The following SPINK5 variants were observed in gnomAD, a reference collection of about 807,000 sequenced individuals.
SPINK5 encodes the protein serine peptidase inhibitor Kazal type 5, also known as serine protease inhibitor Kazal-type 5.
SPINK5 carries 125 observed loss-of-function variants against 151.8 expected under a neutral mutation model. That is an observed-to-expected ratio of 0.82 (90% CI 0.71 to 0.96). SPINK5 has a LOEUF of 0.96. Ranked by LOEUF, SPINK5 falls within the 40% of genes least tolerant of loss-of-function variation. SPINK5 has a pLI of 0.00. For synonymous variants in SPINK5, 374 were observed against 395.3 expected, an observed-to-expected ratio of 0.95 and a Z score of 0.64; for missense variants, 1,194 against 1,291.9, an observed-to-expected ratio of 0.92 and a Z score of 1.16.
rs759053532 is a variant in SPINK5 at position 148,095,863 on chromosome 5, G to T, written c.840G>T (p.Leu280Phe). Residue 280 changes from leucine to phenylalanine, a missense_variant, in exon 10 of 33, where the codon TTG becomes TTT. Leu to Phe is a conservative substitution (Grantham distance 22). Coordinates refer to ENST00000256084, the MANE Select transcript of SPINK5 (RefSeq NM_006846.4). ...SEENSKTDQN[L>F]GKAEEKTKVK... The stretch of plus-strand genomic sequence containing the variant: ...AAAACAGTAAAACAGATCAAAATTT[G>T]GGAAAAGCTGAAGAAAAAACTAAAG... 9 of 1,612,246 alleles carry T rather than the reference G, an allele frequency of 5.6e-6. No homozygotes were observed. The highest frequency in any genetic ancestry group is 5.9e-6 in the Non-Finnish European group (7 of 1,179,022).
chr5:148,106,802 A>G (rs895556309), intron 16 of SPINK5, among the ~76,000 whole-genome samples: 1 of 152,140 alleles, frequency 6.6e-6, no homozygotes, highest in South Asian at 2.1e-4. Flanking sequence ...TTTACAGACC[A>G]TGCTATGCAA....
Position 148,107,131 on chromosome 5 carries a change from A to G in SPINK5, c.1574A>G (p.His525Arg). The change falls in exon 17 of 33, where the codon CAT becomes CGT. Residue 525 changes from histidine to arginine, a missense_variant. Transcript: ENST00000256084. ...NPVRGPDGKM[H>R]GNKCAMCASV... ...GTCCGTGGCCCAGATGGCAAAATGC[A>G]TGGAAACAAGTGTGCCATGTGTGCC... The G allele has an allele frequency of 1.2e-6, 2 of 1,613,004 alleles. No homozygotes were observed. Among genetic ancestry groups the G allele is most frequent in the Non-Finnish European group, 8.5e-7 (1 of 1,179,280 alleles).
At position 148,120,336 on chromosome 5, in the gene SPINK5, A is replaced by AC; in HGVS notation, c.2484dup (p.Arg829GlnfsTer16). The AC allele has an allele frequency of 6.2e-7, 1 of 1,604,830 alleles. No homozygotes were observed. Among genetic ancestry groups the AC allele is most frequent in the Non-Finnish European group, 8.5e-7 (1 of 1,174,786 alleles). On this transcript the variant is annotated frameshift_variant, in exon 26 of 33. Coordinates refer to ENST00000256084, the MANE Select transcript of SPINK5 (RefSeq NM_006846.4). LOFTEE classifies it high-confidence loss of function. ...GAAAAAAAAAAGAAAGAGGATGAAGACAGGAGCAATACAGGAGAAAGGAGC... is the reference window on the plus strand; with the variant it reads ...GAAAAAAAAAAGAAAGAGGATGAAGACCAGGAGCAATACAGGAGAAAGGAGC...
chr5:148,065,347 A>C lies in SPINK5; in HGVS notation c.56A>C (p.Asp19Ala), dbSNP rs1204188199. ...TTTGGTTTCTATATTTTCATCCCAG[A>C]TGCTGCCAGTAAGAATGAAGATCAG... ...LLPLALCLIQ[D>A]AASKNEDQEM... The change falls in exon 2 of 33, where the codon GAT becomes GCT. Residue 19 changes from aspartate (D) to alanine (A), a missense_variant and splice_region_variant. Asp to Ala is a moderately radical substitution (Grantham distance 126, BLOSUM62 -2). Transcript: ENST00000256084. 6 of 1,613,408 alleles carry C rather than the reference A, an allele frequency of 3.7e-6. No individual in the cohort carries two copies. The highest frequency in any genetic ancestry group is 1.3e-5 in the African/African-American group (1 of 75,038).
chr5:148,120,430 A>T (rs1265352359), intron 26 of SPINK5, 39 bp downstream of exon 26: 1 of 1,560,696 alleles, frequency 6.4e-7, no homozygotes, highest in East Asian at 2.4e-5. Context: ...GAATTCAGTT[A>T]GTTCATTGTA....
At chr5:148,111,985 G>A in intron 19 of SPINK5, 90 bp downstream of exon 19, 1 of 1,592,550 alleles carries the variant, frequency 6.3e-7, no homozygotes, top group Non-Finnish European at 8.6e-7. Flanking sequence ...GTTTTCTCCA[G>A]GAGATAGATA....
chr5:148,088,450 G>A, intron 5 of SPINK5, 92 bp from the exon 6 acceptor site: 2 of 1,116,660 alleles, frequency 1.8e-6, no homozygotes, highest in Non-Finnish European at 2.7e-6. Flanking sequence ...CGGGAGTAAA[G>A]GAGAATGACA....
intron 31 of SPINK5, among the ~76,000 whole-genome samples, chr5:148,132,483 G>C (rs540312243): frequency 6.6e-6 from 1 of 152,246 alleles, no homozygotes; most frequent in South Asian, 2.1e-4. Flanking sequence ...TATAGGTAAG[G>C]TATGGTAGAT....
chr5:148,065,534 G>A (rs975330549), intron 2 of SPINK5, 162 bp downstream of exon 2: 6 of 667,270 alleles, frequency 9.0e-6, no homozygotes, highest in Middle Eastern at 3.3e-4. Context: ...ATCAGGACAT[G>A]AGCCTCTCTC....
intron 29 of SPINK5, 129 bp downstream of exon 29, chr5:148,125,979 C>T: frequency 1.4e-6 from 2 of 1,404,618 alleles, no homozygotes; most frequent in Non-Finnish European, 2.0e-6. Context: ...GAATTAAAGC[C>T]CTCAAATTGA....
chr5:148,066,420 C>T (rs191708976), intron 2 of SPINK5, among the ~76,000 whole-genome samples: 5 of 152,116 alleles, frequency 3.3e-5, no homozygotes, highest in Non-Finnish European at 5.9e-5. Context: ...TTATCTCTGG[C>T]CACGAACATT....
Position 148,089,499 on chromosome 5 carries a change from A to G in SPINK5, c.480A>G (p.Val160=). 1.2e-6 allele frequency: 2 copies of G among 1,611,774 alleles called. No individual in the cohort carries two copies. Among genetic ancestry groups the G allele is most frequent in the South Asian group, 2.2e-5 (2 of 91,042 alleles). ...ECKSSNPEQD[V]CSAFRPFVRD... Reference sequence around the variant, plus strand: ...TTCTTTTCCCTGTTCTTCAGGATGTATGCAGTGCTTTTCGGCCCTTTGTTA... The same window carrying G: ...TTCTTTTCCCTGTTCTTCAGGATGTGTGCAGTGCTTTTCGGCCCTTTGTTA... Residue 160 remains valine (V), a synonymous_variant, in exon 7 of 33, where the codon GTA becomes GTG. Coordinates refer to ENST00000256084, the MANE Select transcript of SPINK5 (RefSeq NM_006846.4).
rs1046514040 is a variant in SPINK5 at position 148,094,616 on chromosome 5, A to G, written c.794+135A>G. 13 of 1,381,138 alleles carry G rather than the reference A, an allele frequency of 9.4e-6. No individual in the cohort carries two copies. The Admixed American group carries it at 2.3e-4, about 24-fold the overall frequency. The allele number at this position is 1,381,138 out of a possible 1,614,324, so 85.6% of individuals were successfully genotyped here. A position where few individuals can be genotyped will look rare whatever the true frequency, so the allele number is the denominator to read the frequency against. ...CTGAGCAGTTTTATGCCCTCCACAA[A>G]TCATAATGCCACCTAGTGAGCAGGC... On this transcript the variant is annotated intron_variant, in intron 9 of 32. Transcript: ENST00000256084.
rs1561705658 is a variant in SPINK5, at chr5:148,125,636, G to A, written c.2740-87G>A. The A allele has an allele frequency of 6.2e-6, 10 of 1,614,082 alleles. No individual in the cohort carries two copies. In the South Asian group the frequency reaches 1.1e-4, roughly 18 times the overall value. ...ACAGTGAGTCTGAGCCCAGAGCTAA[G>A]AGAGGACTTCCTAAAACCAAGTTTG... On this transcript the variant is annotated intron_variant, in intron 28 of 32. Coordinates refer to ENST00000256084, the MANE Select transcript of SPINK5 (RefSeq NM_006846.4).
intron 30 of SPINK5, 107 bp from the exon 31 acceptor site, chr5:148,131,152 T>C: frequency 7.1e-7 from 1 of 1,399,426 alleles, no homozygotes; most frequent in Admixed American, 1.7e-5. Flanking sequence ...ACACTCCTTT[T>C]ACAACCATTT....
At chr5:148,108,394 C>T (rs377019549) in intron 17 of SPINK5, among the ~76,000 whole-genome samples, 26 of 152,126 alleles carry the variant, frequency 1.7e-4, no homozygotes, top group Middle Eastern at 3.4e-3. Context: ...GCCTTTATCA[C>T]GGATATGGTA....
intron 30 of SPINK5, among the ~76,000 whole-genome samples, chr5:148,128,634 T>C (rs1402683157): frequency 2.0e-5 from 3 of 152,152 alleles, no homozygotes; most frequent in Admixed American, 1.3e-4. Flanking sequence ...GTTCACGCCA[T>C]TCTCCTGCCT....
rs770321833 is a variant in SPINK5 at position 148,133,870 on chromosome 5, G to A, written c.3169G>A (p.Ala1057Thr). ...GAGCAGCACCCCAGGAACCACCGCAGCCAGCATGCCCCCGTCTGTAAGTAC... is the reference window on the plus strand; with the variant it reads ...GAGCAGCACCCCAGGAACCACCGCAACCAGCATGCCCCCGTCTGTAAGTAC... ...EESSTPGTTA[A>T]SMPPSDE is the part of the protein sequence containing the mutation. The change falls in exon 32 of 33, where the codon GCC becomes ACC. Residue 1057 changes from alanine (A) to threonine (T), a missense_variant. Physicochemically the swap from Ala to Thr is moderately conservative, Grantham distance 58. Transcript: ENST00000256084. 1.2e-6 allele frequency: 2 copies of A among 1,613,832 alleles called. No homozygotes were observed. Among genetic ancestry groups the A allele is most frequent in the South Asian group, 2.2e-5 (2 of 91,088 alleles).
intron 28 of SPINK5, 77 bp from the exon 29 acceptor site, chr5:148,125,645 TC>T (rs2113217165): frequency 2.5e-6 from 4 of 1,614,132 alleles, no homozygotes; most frequent in Non-Finnish European, 3.4e-6. Context: ...AGAGAGGACT[TC>T]CTAAAACCAA....
Sources: gnomAD v4.1 joint callset for allele counts (sites outside exome capture counted in the v4.1 genomes callset) on GRCh38, gnomAD v4.1.1 for gene constraint, MANE v1.5 for transcripts, NCBI Gene and HGNC (gene_info 2026-07-23, HGNC 2026-07-21) for gene names.